The following SLC19A1 variants were observed in gnomAD, a reference collection of about 807,000 sequenced individuals.
The protein encoded by SLC19A1 is reduced folate transporter.
Under a neutral mutation model 35.3 loss-of-function variants are expected in SLC19A1, and 37 were observed. The ratio of observed to expected loss-of-function variants is 1.05; its 90% CI spans 0.81 to 1.38. SLC19A1 has a LOEUF of 1.38. Among genes scored for constraint, SLC19A1 ranks in the 40% most tolerant of loss-of-function variants. The pLI is 0.00. For missense variants in SLC19A1, 831 were observed against 826.9 expected, an observed-to-expected ratio of 1.00 and a Z score of -0.06; for synonymous variants, 460 against 398.5, an observed-to-expected ratio of 1.15 and a Z score of -1.84.
In SLC19A1 at chr21:45,540,315, G is replaced by A. The variant is rs1395050236; in HGVS notation, c.-50+2053C>T. 3.3e-5 allele frequency among the ~76,000 whole-genome samples: 5 copies of A among 152,154 alleles called. No individual in the cohort carries two copies. The highest frequency in any genetic ancestry group is 2.1e-4 in the South Asian group (1 of 4,830). ...GAGCAACCAGATCGCCGCAGACAAC[G>A]GGGAGCCATCAGGAGCTGAACTAAG... On this transcript the variant is annotated intron_variant, in intron 1 of 5. Transcript: ENST00000311124. The surrounding 1 kb of genome is among the most constrained non-coding windows in gnomAD (Gnocchi z 5.5).
intron 3 of SLC19A1, chr21:45,506,100 AACTTTTGGTAAAGTTTAGTAAAAT>A: frequency 7.3e-7 from 1 of 1,377,412 alleles, no homozygotes; most frequent in South Asian, 1.2e-5. Context: ...TAAACTTTCA[AACTTTTGGTAAAGTTTAGTAAAAT>A]ACTTTTGTGA....
chr21:45,511,312 G>T (rs924478800), downstream of SLC19A1: 1 of 737,832 alleles, frequency 1.4e-6, no homozygotes. Context: ...GTTTCCCCCC[G>T]AGTTTTTGGA....
chr21:45,536,177 A>G (rs917564605), intron 2 of SLC19A1: 1 of 158,110 alleles, frequency 6.3e-6, no homozygotes, highest in East Asian at 1.7e-4. Flanking sequence ...CTCTGATGAT[A>G]TCCAAGGCCT....
rs1286247986 is a variant in SLC19A1, at chr21:45,530,413, T to C, written c.1151+357A>G. On this transcript the variant is annotated intron_variant, in intron 4 of 5. Transcript: ENST00000311124. The surrounding 1 kb of genome is among the most constrained non-coding windows in gnomAD (Gnocchi z 5.3). ...GTGGTGTGTGTGTGGTGTGAGTGCCTGGTGTGAGTGTAAGCTGAGGATGAA... is the reference window on the plus strand; with the variant it reads ...GTGGTGTGTGTGTGGTGTGAGTGCCCGGTGTGAGTGTAAGCTGAGGATGAA... Among the ~76,000 whole-genome samples the C allele has an allele frequency of 2.0e-5, 3 of 152,058 alleles. No individual in the cohort carries two copies. The highest frequency in any genetic ancestry group is 4.4e-5 in the Non-Finnish European group (3 of 67,998).
Position 45,537,900 on chromosome 21 carries a change from G to C in SLC19A1, c.60C>G (p.Pro20=), listed in dbSNP as rs753410664. ...CGAGGTGCCGCCAGGACCGGAGCTC[G>C]GGGTCAGGCCCAGGTTCCACGGGCA... ...KQVPVEPGPD[P]ELRSWRHLVC... is the part of the protein sequence containing the mutation. Residue 20 remains proline, a synonymous_variant, in exon 2 of 6, where the codon CCC becomes CCG. Transcript: ENST00000311124. The C allele has an allele frequency of 3.8e-6, 6 of 1,597,318 alleles. No homozygotes were observed. Among genetic ancestry groups the C allele is most frequent in the Non-Finnish European group, 5.1e-6 (6 of 1,175,258 alleles).
In SLC19A1 at chr21:45,507,202, C is replaced by A. The variant is rs1280629531; in HGVS notation, c.498-8590G>T. On this transcript the variant is annotated intron_variant, in intron 3 of 4. Transcript: ENST00000417954. ...AGGCGGGTGCTGGGCAGGGAGGGCA[C>A]CCTCCTGTGGGCTGGGAGGGCCGGG... 172 of 166,034 alleles carry A rather than the reference C, an allele frequency of 1.0e-3. 1 individual carries two copies. The highest frequency in any genetic ancestry group is 2.0e-3 in the African/African-American group (27 of 13,574). The allele number at this position is 166,034 out of a possible 1,614,324, so 10.3% of individuals were successfully genotyped here. A position where few individuals can be genotyped will look rare whatever the true frequency, so the allele number is the denominator to read the frequency against.
chr21:45,506,425 C>T, intron 3 of SLC19A1: 1 of 311,354 alleles, frequency 3.2e-6, no homozygotes. Flanking sequence ...ATCCTCTCTG[C>T]TTAGCACGGG....
At chr21:45,520,792 G>A (rs1011535920) in intron 5 of SLC19A1, among the ~76,000 whole-genome samples, 8 of 151,926 alleles carry the variant, frequency 5.3e-5, no homozygotes, top group Non-Finnish European at 8.8e-5. Flanking sequence ...AGGCTGAGGC[G>A]GGTGGATCAC....
chr21:45,518,668 C>G (rs1462553542), intron 5 of SLC19A1, among the ~76,000 whole-genome samples: 1 of 152,002 alleles, frequency 6.6e-6, no homozygotes, highest in Non-Finnish European at 1.5e-5. Context: ...AATTGCTCAT[C>G]AAAAATCCTG....
rs2078014014 is a variant in SLC19A1 at position 45,533,730 on chromosome 21, C to A, written c.190-1582G>T. 6.6e-6 allele frequency among the ~76,000 whole-genome samples: 1 copy of A among 152,134 alleles called. No individual in the cohort carries two copies. ...GTGCTGCCCCAGGTGACCTCAGCCC[C>A]TGCCAGCCACACTTGGCAGGACCAA... On this transcript the variant is annotated intron_variant, in intron 2 of 5. Transcript: ENST00000311124. This position sits in a 1 kb window ranked among gnomAD's most constrained non-coding sequence, Gnocchi z 4.5.
downstream of SLC19A1, chr21:45,509,730 A>G (rs2037460889): frequency 2.8e-6 from 2 of 710,954 alleles, no homozygotes; most frequent in African/African-American, 3.5e-5. Context: ...CTGGCGGCTC[A>G]GGGCCACTCA....
At chr21:45,512,342 C>T (rs1318469474), downstream of SLC19A1, 4 of 1,612,652 alleles carry the variant, frequency 2.5e-6, no homozygotes, top group African/African-American at 4.0e-5. Context: ...CGCGAGCTGC[C>T]ATCACGCCTA....
intron 1 of SLC19A1, among the ~76,000 whole-genome samples, chr21:45,559,451 C>G (rs2078594713): frequency 6.6e-6 from 1 of 152,196 alleles, no homozygotes; most frequent in South Asian, 2.1e-4. Flanking sequence ...GCAGCATCCT[C>G]CGGAGACCAC....
chr21:45,504,667 C>T, intron 3 of SLC19A1: 1 of 919,096 alleles, frequency 1.1e-6, no homozygotes, highest in South Asian at 1.5e-5. Context: ...GCTGCCCCTG[C>T]AAGCTCAGCA....
upstream of SLC19A1, among the ~76,000 whole-genome samples, chr21:45,548,876 A>T (rs2078438637): frequency 6.6e-6 from 1 of 152,182 alleles, no homozygotes; most frequent in African/African-American, 2.4e-5. Flanking sequence ...TCCTACTATA[A>T]AGGCTAAAAT....
At chr21:45,512,044 T>G (rs1721474738), downstream of SLC19A1, 5 of 846,414 alleles carry the variant, frequency 5.9e-6, no homozygotes, top group Middle Eastern at 3.2e-4. Context: ...GGAGGCCATG[T>G]GGCCCTCCAG....
At chr21:45,537,213 T>G (rs2078142103) in intron 2 of SLC19A1, among the ~76,000 whole-genome samples, 1 of 152,118 alleles carries the variant, frequency 6.6e-6, no homozygotes. Flanking sequence ...AATATCACTT[T>G]TTATCTAGCC....
At position 45,515,440 on chromosome 21, in the gene SLC19A1, G is replaced by A. The variant is rs1418383619; in HGVS notation, c.*218C>T. 5 of 1,462,468 alleles carry A rather than the reference G, an allele frequency of 3.4e-6. No homozygotes were observed. Among genetic ancestry groups the A allele is most frequent in the Admixed American group, 2.7e-5 (1 of 36,432 alleles). 90.6% of individuals were successfully genotyped at this position (1,462,468 alleles called of 1,614,324 possible). A position where few individuals can be genotyped will look rare whatever the true frequency, so the allele number is the denominator to read the frequency against. ...ACCTCTTCCAGCAACAAAGCCCGCGGGGCACAGTGCAGGGACAGCATGGCC... is the reference window on the plus strand; with the variant it reads ...ACCTCTTCCAGCAACAAAGCCCGCGAGGCACAGTGCAGGGACAGCATGGCC... On this transcript the variant is annotated 3_prime_UTR_variant, in exon 6 of 6. Coordinates refer to ENST00000311124, the MANE Select transcript of SLC19A1 (RefSeq NM_194255.4).
intron 3 of SLC19A1, among the ~76,000 whole-genome samples, chr21:45,503,601 A>C (rs1488851450): frequency 7.4e-6 from 1 of 135,832 alleles, no homozygotes; most frequent in East Asian, 2.3e-4. Flanking sequence ...TCACATGGAC[A>C]CAGGAAGGGG....
Sources: allele counts gnomAD v4.1 joint callset (sites outside exome capture counted in the v4.1 genomes callset), GRCh38; gene constraint gnomAD v4.1.1; non-coding constraint Gnocchi (gnomAD v3.1); transcripts MANE v1.5; gene names NCBI Gene and HGNC (gene_info 2026-07-23, HGNC 2026-07-21).